Variants in THSD7A observed in about 807,000 individuals in gnomAD.
THSD7A encodes thrombospondin type 1 domain containing 7A, also known as thrombospondin type-1 domain-containing protein 7A.
In THSD7A, 96 loss-of-function variants were observed where a neutral mutation model predicts 231.3. That is an observed-to-expected ratio of 0.41 (90% CI 0.35 to 0.49). The LOEUF is 0.49. Ranked by LOEUF, THSD7A falls within the 20% of genes least tolerant of loss-of-function variation. The pLI, the probability that THSD7A is intolerant of heterozygous loss-of-function variation, is 0.05. For synonymous variants in THSD7A, 940 were observed against 743.3 expected, an observed-to-expected ratio of 1.26 and a Z score of -4.30; for missense variants, 2,290 against 2,070.2, an observed-to-expected ratio of 1.11 and a Z score of -2.06.
intron 1 of THSD7A, among the ~76,000 whole-genome samples, chr7:11,724,129 A>G (rs1328528120): frequency 2.6e-5 from 4 of 151,964 alleles, no homozygotes; most frequent in African/African-American, 7.2e-5. Flanking sequence ...TTAAAAGAAT[A>G]TATGTGGGAT....
At chr7:11,805,373 T>C (rs934541947) in intron 1 of THSD7A, among the ~76,000 whole-genome samples, 4 of 152,160 alleles carry the variant, frequency 2.6e-5, no homozygotes, top group Non-Finnish European at 5.9e-5. Flanking sequence ...GATATTTTAG[T>C]TGTGGCTGTA....
intron 1 of THSD7A, among the ~76,000 whole-genome samples, chr7:11,747,697 T>G (rs1782357083): frequency 6.6e-6 from 1 of 151,878 alleles, no homozygotes; most frequent in Non-Finnish European, 1.5e-5. Context: ...ACAGTGCATA[T>G]GTGCTGCTGT....
intron 2 of THSD7A, among the ~76,000 whole-genome samples, chr7:11,598,576 G>A (rs1780447283): frequency 6.6e-6 from 1 of 152,176 alleles, no homozygotes; most frequent in African/African-American, 2.4e-5. Context: ...CACTTATGGG[G>A]GAATGGCCTT....
chr7:11,454,216 G>A (rs1562621822), intron 11 of THSD7A, among the ~76,000 whole-genome samples: 1 of 151,932 alleles, frequency 6.6e-6, no homozygotes, highest in Non-Finnish European at 1.5e-5. Flanking sequence ...TGAGATTTAA[G>A]AATGATTCAA....
rs779688488 is a variant in THSD7A, at chr7:11,462,128, C to T, written c.2384G>A (p.Arg795Lys). The T allele has an allele frequency of 6.2e-7, 1 of 1,613,726 alleles. No individual in the cohort carries two copies. Among genetic ancestry groups the T allele is most frequent in the South Asian group, 1.1e-5 (1 of 91,068 alleles). The change falls in exon 10 of 28, where the codon AGG (arginine) becomes AAG (lysine). Residue 795 changes from arginine (R) to lysine (K), a missense_variant. Physicochemically the swap from Arg to Lys is conservative, Grantham distance 26 (BLOSUM62 2). Coordinates refer to ENST00000423059, the MANE Select transcript of THSD7A (RefSeq NM_015204.3). ...GATGACCCGATGCCTAGACTGCTTC[C>T]TGATACTGGAGTCCCCTGCAATGAA... ...SSCKEGDSSIRKQSRHRVIIQ... is the reference protein window; with the variant it reads ...SSCKEGDSSIKKQSRHRVIIQ...
intron 11 of THSD7A, 80 bp from the exon 12 acceptor site, chr7:11,447,504 G>A (rs1785011260): frequency 4.7e-6 from 6 of 1,268,560 alleles, no homozygotes; most frequent in African/African-American, 1.5e-5. Context: ...CTAACATTTG[G>A]TTAAGCAGTC....
intron 2 of THSD7A, among the ~76,000 whole-genome samples, chr7:11,627,419 A>G (rs1357799836): frequency 6.6e-6 from 1 of 152,108 alleles, no homozygotes; most frequent in Non-Finnish European, 1.5e-5. Flanking sequence ...ATGTATACAT[A>G]TAAATATATA....
intron 23 of THSD7A, among the ~76,000 whole-genome samples, chr7:11,396,242 G>C (rs1404807181): frequency 3.9e-5 from 6 of 152,150 alleles, no homozygotes; most frequent in East Asian, 1.9e-4. Flanking sequence ...AAGAACTAGA[G>C]AAGCAAGAGT....
chr7:11,399,154 A>G (rs975837235), intron 23 of THSD7A, among the ~76,000 whole-genome samples: 6 of 152,214 alleles, frequency 3.9e-5, no homozygotes, highest in Non-Finnish European at 8.8e-5. Flanking sequence ...GGGAAAACTC[A>G]TAATTAAAGC....
chr7:11,393,698 C>T (rs914492367), intron 23 of THSD7A, among the ~76,000 whole-genome samples: 4 of 152,110 alleles, frequency 2.6e-5, no homozygotes, highest in African/African-American at 9.7e-5. Context: ...AAAAACACAG[C>T]TCAAAAATTT....
chr7:11,509,931 A>G (rs1787733720), intron 6 of THSD7A, among the ~76,000 whole-genome samples: 2 of 152,026 alleles, frequency 1.3e-5, no homozygotes, highest in African/African-American at 4.8e-5. Context: ...CAAATAAATG[A>G]AAAGTGTTGG....
chr7:11,768,585 A>G (rs1330664287), intron 1 of THSD7A, among the ~76,000 whole-genome samples: 3 of 152,150 alleles, frequency 2.0e-5, no homozygotes. Context: ...GTGATCTCCA[A>G]CTCTAGTCCA....
intron 17 of THSD7A, among the ~76,000 whole-genome samples, chr7:11,415,072 C>A (rs900792476): frequency 6.6e-6 from 1 of 152,082 alleles, no homozygotes; most frequent in South Asian, 2.1e-4. Context: ...TGAACTATAC[C>A]CTCTTTGGAT....
chr7:11,524,635 C>T (rs552432254), intron 6 of THSD7A, among the ~76,000 whole-genome samples: 1 of 152,254 alleles, frequency 6.6e-6, no homozygotes, highest in East Asian at 1.9e-4. Flanking sequence ...CAGAGCTCCA[C>T]AGGGTCTGAG....
intron 1 of THSD7A, among the ~76,000 whole-genome samples, chr7:11,830,367 T>G (rs1337545376): frequency 6.6e-6 from 1 of 152,258 alleles, no homozygotes; most frequent in Admixed American, 6.5e-5. Flanking sequence ...ATGATACCAT[T>G]TAATGGTAAA....
At chr7:11,376,801 A>G in intron 26 of THSD7A, 144 bp from the exon 27 acceptor site, 1 of 452,182 alleles carries the variant, frequency 2.2e-6, no homozygotes, top group Non-Finnish European at 3.8e-6. Flanking sequence ...GTTAATGATT[A>G]ATGCAAAGCT....
intron 1 of THSD7A, among the ~76,000 whole-genome samples, chr7:11,723,418 A>G (rs896740857): frequency 6.6e-6 from 1 of 151,954 alleles, no homozygotes; most frequent in African/African-American, 2.4e-5. Context: ...TGGCACATGT[A>G]TACATATGTA....
chr7:11,469,924 T>C lies in THSD7A; in HGVS notation c.2323A>G (p.Thr775Ala). The change falls in exon 9 of 28, where the codon ACC becomes GCC. Residue 775 changes from threonine (T) to alanine (A), a missense_variant. Thr to Ala is a moderately conservative substitution (Grantham distance 58). Transcript: ENST00000423059. ...CATGATGTCCAGTCACTATATGGGG[T>C]CACAATACAGTCCTTCTTACAAGGA... is the stretch of plus-strand genomic sequence containing the variant. ...LLPCKKDCIV[T>A]PYSDWTSCPS... 6.2e-7 allele frequency: 1 copy of C among 1,603,360 alleles called. No individual in the cohort carries two copies. The highest frequency in any genetic ancestry group is 1.7e-5 in the Admixed American group (1 of 58,944).
At chr7:11,813,381 A>G (rs1215811573) in intron 1 of THSD7A, among the ~76,000 whole-genome samples, 1 of 152,116 alleles carries the variant, frequency 6.6e-6, no homozygotes, top group Non-Finnish European at 1.5e-5. Context: ...ACCGAAATTC[A>G]CAAAAAACAT....
Sources: gnomAD v4.1 joint callset for allele counts (sites outside exome capture counted in the v4.1 genomes callset) on GRCh38, gnomAD v4.1.1 for gene constraint, MANE v1.5 for transcripts, NCBI Gene and HGNC (gene_info 2026-07-23, HGNC 2026-07-21) for gene names.